The following IGSF9B variants were observed in gnomAD, a reference collection of about 807,000 sequenced individuals.
IGSF9B encodes immunoglobulin superfamily member 9B, also known as protein turtle homolog B.
In IGSF9B, 48 loss-of-function variants were observed where a neutral mutation model predicts 143.7. That is an observed-to-expected ratio of 0.33 (90% CI 0.26 to 0.42). The LOEUF (loss-of-function observed/expected upper bound fraction) is 0.42, where lower values mean the gene tolerates loss of function less well. Among genes scored for constraint, IGSF9B ranks in the 20% least tolerant of loss-of-function variants. The pLI is 1.00. For missense variants in IGSF9B, 1,706 were observed against 1,980.0 expected, an observed-to-expected ratio of 0.86 and a Z score of 2.63; for synonymous variants, 903 against 833.1, an observed-to-expected ratio of 1.08 and a Z score of -1.44.
chr11:133,946,354 C>G, intron 1 of IGSF9B, 96 bp from the exon 2 acceptor site: 1 of 1,062,232 alleles, frequency 9.4e-7, no homozygotes, highest in South Asian at 1.5e-5. Flanking sequence ...CCCCGCCCCC[C>G]ACCAGCTGCC....
chr11:133,948,617 CTGTGTGTGTGTGTGTGTGTGTGTG>C lies in IGSF9B; in HGVS notation c.65-2383_65-2360del, dbSNP rs59414581. 2.8e-5 allele frequency among the ~76,000 whole-genome samples: 4 copies of C among 141,000 alleles called. No individual in the cohort carries two copies. The South Asian group carries it at 9.7e-4, about 34-fold the overall frequency. The allele number at this position is 141,000 out of a possible 152,430, so 92.5% of individuals were successfully genotyped here. On this transcript the variant is annotated intron_variant, in intron 1 of 19. Transcript: ENST00000533871. This position sits in a 1 kb window ranked among gnomAD's most constrained non-coding sequence, Gnocchi z 4.7. ...TGGGTGCCATGAGTTTGCAGAGAAG[CTGTGTGTGTGTGTGTGTGTGTGTG>C]TGTGTGTGTGTGTGTGTGTGTGTCT...
chr11:133,908,048 A>G lies in IGSF9B; in HGVS notation c.*1021T>C, dbSNP rs1479817732. On this transcript the variant is annotated 3_prime_UTR_variant, in exon 20 of 20. Coordinates refer to ENST00000533871, the MANE Select transcript of IGSF9B (RefSeq NM_001277285.4). ...CAGAGTGCTGAGCCGGGGACGGTAT[A>G]AATAGAGCCGGCAGCTTGGCGCTAG... Among the ~76,000 whole-genome samples the G allele has an allele frequency of 2.6e-5, 4 of 152,248 alleles. No homozygotes were observed. The highest frequency in any genetic ancestry group is 9.6e-5 in the African/African-American group (4 of 41,470).
chr11:133,902,614 G>A lies in IGSF9B; in HGVS notation c.*6455C>T, dbSNP rs1939157307. On this transcript the variant is annotated 3_prime_UTR_variant, in exon 20 of 20. Coordinates refer to ENST00000533871, the MANE Select transcript of IGSF9B (RefSeq NM_001277285.4). ...CCACTTACTTCCTGAATCCAGAAAA[G>A]AAACACTGGACTAGACAGCTGGCTG... 6.9e-6 allele frequency among the ~76,000 whole-genome samples: 1 copy of A among 145,390 alleles called. No homozygotes were observed. Among genetic ancestry groups the A allele is most frequent in the Non-Finnish European group, 1.5e-5 (1 of 65,332 alleles).
chr11:133,899,966 G>C lies in IGSF9B; in HGVS notation c.*9103C>G, dbSNP rs1194626801. On this transcript the variant is annotated 3_prime_UTR_variant, in exon 20 of 20. Transcript: ENST00000533871. Reference sequence around the variant, plus strand: ...GGATCCTTCCAGCTGCATGGACAGAGCCCATTTCCCATCAGCGTCCTCGGA... The same window carrying C: ...GGATCCTTCCAGCTGCATGGACAGACCCCATTTCCCATCAGCGTCCTCGGA... The C allele has an allele frequency of 6.6e-6, 1 of 152,128 alleles. No individual in the cohort carries two copies. The highest frequency in any genetic ancestry group is 1.5e-5 in the Non-Finnish European group (1 of 68,050). 9.4% of individuals were successfully genotyped at this position (152,128 alleles called of 1,614,324 possible). A position where few individuals can be genotyped will look rare whatever the true frequency, so the allele number is the denominator to read the frequency against.
In IGSF9B at chr11:133,903,495, A is replaced by G. The variant is rs1015566611; in HGVS notation, c.*5574T>C. Among the ~76,000 whole-genome samples the G allele has an allele frequency of 2.0e-5, 3 of 152,196 alleles. No homozygotes were observed. Among genetic ancestry groups the G allele is most frequent in the African/African-American group, 7.2e-5 (3 of 41,440 alleles). ...GATTTTAATGACTGGCCACTGTTCC[A>G]CCAGAGTATATGGCAACCAAGATAC... On this transcript the variant is annotated 3_prime_UTR_variant, in exon 20 of 20. Transcript: ENST00000533871.
intron 12 of IGSF9B, among the ~76,000 whole-genome samples, chr11:133,929,412 C>A (rs997666561): frequency 1.3e-5 from 2 of 152,218 alleles, no homozygotes; most frequent in African/African-American, 4.8e-5. Context: ...CGAGGCAGCA[C>A]GTGAGCAGGG....
Position 133,902,454 on chromosome 11 carries a change from CCA to C in IGSF9B, c.*6613_*6614del, listed in dbSNP as rs773478053. On this transcript the variant is annotated 3_prime_UTR_variant, in exon 20 of 20. Coordinates refer to ENST00000533871, the MANE Select transcript of IGSF9B (RefSeq NM_001277285.4). ...ACACCACACACACCACCCAGACACA[CCA>C]CACACAGATACACACACCACACACA... 2.7e-5 allele frequency among the ~76,000 whole-genome samples: 4 copies of C among 149,248 alleles called. No individual in the cohort carries two copies. The highest frequency in any genetic ancestry group is 4.9e-5 in the African/African-American group (2 of 40,460).
At chr11:133,925,645 A>G in intron 14 of IGSF9B, 94 bp downstream of exon 14, 1 of 982,306 alleles carries the variant, frequency 1.0e-6, no homozygotes, top group Non-Finnish European at 1.6e-6. Context: ...GGCCTCACAC[A>G]CCCAAAGTTG....
At position 133,907,567 on chromosome 11, in the gene IGSF9B, G is replaced by A. The variant is rs767765152; in HGVS notation, c.*1502C>T. Among the ~76,000 whole-genome samples the A allele has an allele frequency of 1.3e-5, 2 of 152,328 alleles. No homozygotes were observed. Among genetic ancestry groups the A allele is most frequent in the African/African-American group, 4.8e-5 (2 of 41,578 alleles). ...CAGATCTCCCCTCCACCCCGCCCTC[G>A]GGGCCTTCTGCCCTGCCCTTGGGCA... On this transcript the variant is annotated 3_prime_UTR_variant, in exon 20 of 20. Coordinates refer to ENST00000533871, the MANE Select transcript of IGSF9B (RefSeq NM_001277285.4).
Position 133,920,391 on chromosome 11 carries a change from GGCCCCT to G in IGSF9B, c.3328_3333del (p.Arg1110_Gly1111del), listed in dbSNP as rs1565423288. Reference sequence around the variant, plus strand: ...TTGGCGGCGGGGGGCGCTGGGACAGGGCCCCTGCCGGGCGACTTGCCTGCCCAACCC... The same window carrying G: ...TTGGCGGCGGGGGGCGCTGGGACAGGGCCGGGCGACTTGCCTGCCCAACCC... On this transcript the variant is annotated inframe_deletion, in exon 18 of 20. Coordinates refer to ENST00000533871, the MANE Select transcript of IGSF9B (RefSeq NM_001277285.4). The G allele has an allele frequency of 3.8e-6, 6 of 1,599,262 alleles. No individual in the cohort carries two copies. In the Admixed American group the frequency reaches 7.0e-5, roughly 19 times the overall value.
chr11:133,952,231 G>A, intron 1 of IGSF9B: 1 of 355,316 alleles, frequency 2.8e-6, no homozygotes. Context: ...TCACACCCAT[G>A]GGCAGCGCCT....
chr11:133,919,119 G>GGA (rs1555086482), intron 18 of IGSF9B: 1 of 199,532 alleles, frequency 5.0e-6, no homozygotes, highest in Admixed American at 5.7e-5. Context: ...CGAGGTATAC[G>GGA]GGGGGGGGGT....
intron 18 of IGSF9B, among the ~76,000 whole-genome samples, chr11:133,917,900 G>T (rs1427621273): frequency 6.6e-6 from 1 of 152,134 alleles, no homozygotes; most frequent in Non-Finnish European, 1.5e-5. Context: ...ATGCAAAGCA[G>T]ATCTCGGGTG....
At chr11:133,922,449 C>T in intron 16 of IGSF9B, 120 bp downstream of exon 16, 3 of 1,091,044 alleles carry the variant, frequency 2.7e-6, no homozygotes, top group Non-Finnish European at 2.6e-6. Context: ...GGCAGCTCTA[C>T]CCACAAGATC....
intron 4 of IGSF9B, 26 bp downstream of exon 4, chr11:133,937,784 C>A (rs769791989): frequency 1.2e-6 from 2 of 1,601,144 alleles, no homozygotes; most frequent in South Asian, 1.1e-5. Flanking sequence ...GAGACCGCAG[C>A]GGCCCCAACC....
chr11:133,904,192 T>G lies in IGSF9B; in HGVS notation c.*4877A>C, dbSNP rs527789904. Among the ~76,000 whole-genome samples, 33 of 152,076 alleles carry G rather than the reference T, an allele frequency of 2.2e-4. No homozygotes were observed. The highest frequency in any genetic ancestry group is 7.5e-4 in the African/African-American group (31 of 41,486). On this transcript the variant is annotated 3_prime_UTR_variant, in exon 20 of 20. Coordinates refer to ENST00000533871, the MANE Select transcript of IGSF9B (RefSeq NM_001277285.4). ...GCACGTCAGGCTCCAGCTCCCCCTCTCTATCACCATCACCATCACCAAGGC... is the reference window on the plus strand; with the variant it reads ...GCACGTCAGGCTCCAGCTCCCCCTCGCTATCACCATCACCATCACCAAGGC...
chr11:133,945,247 C>A lies in IGSF9B; in HGVS notation c.262+814G>T, dbSNP rs1024341497. On this transcript the variant is annotated intron_variant, in intron 2 of 19. Transcript: ENST00000533871. This position sits in a 1 kb window ranked among gnomAD's most constrained non-coding sequence, Gnocchi z 4.6. ...CTCTGCTCTCCTCCTCGTCCTGATG[C>A]TGGCAATCTGCCTAAAAACTAGACT... Among the ~76,000 whole-genome samples the A allele has an allele frequency of 1.3e-5, 2 of 152,204 alleles. No homozygotes were observed. The highest frequency in any genetic ancestry group is 4.8e-5 in the African/African-American group (2 of 41,438).
chr11:133,935,691 G>A lies in IGSF9B; in HGVS notation c.893C>T (p.Ser298Leu). Residue 298 changes from serine (S) to leucine (L), a missense_variant, in exon 7 of 20, where the codon TCG becomes TTG. Physicochemically the swap from Ser to Leu is moderately radical, Grantham distance 145. This residue lies in a region of IGSF9B where 238 missense variants were observed against 452.6 expected (regional missense o/e 0.53). Transcript: ENST00000533871. ...LIIFRVKPED[S>L]GKYTCVPSNS... ...GCTGGGCACACAGGTGTACTTCCCC[G>A]AGTCCTCCGGCTTCACCCGGAAGAT... 1.2e-6 allele frequency: 2 copies of A among 1,610,432 alleles called. No individual in the cohort carries two copies. Among genetic ancestry groups the A allele is most frequent in the Non-Finnish European group, 1.7e-6 (2 of 1,178,532 alleles).
At chr11:133,924,014 A>G (rs1939584181) in intron 15 of IGSF9B, among the ~76,000 whole-genome samples, 1 of 151,716 alleles carries the variant, frequency 6.6e-6, no homozygotes, top group African/African-American at 2.4e-5. Context: ...CAGAAATTGC[A>G]CTCCACACCT....
Sources: allele counts gnomAD v4.1 joint callset (sites outside exome capture counted in the v4.1 genomes callset), GRCh38; gene constraint gnomAD v4.1.1; regional missense constraint gnomAD v4.1.1; non-coding constraint Gnocchi (gnomAD v3.1); transcripts MANE v1.5; gene names NCBI Gene and HGNC (gene_info 2026-07-23, HGNC 2026-07-21).